The following GMDS variants were observed in gnomAD, a reference collection of about 807,000 sequenced individuals.
GMDS encodes GDP-mannose 4,6-dehydratase.
A neutral mutation model predicts 49.9 loss-of-function variants in GMDS; 20 were observed. The ratio of observed to expected loss-of-function variants is 0.40; its 90% CI spans 0.28 to 0.58. The LOEUF (loss-of-function observed/expected upper bound fraction) is 0.58. GMDS is among the 20% of genes least tolerant of loss of function. The pLI is 0.42. For synonymous variants in GMDS, 177 were observed against 178.6 expected, an observed-to-expected ratio of 0.99 and a Z score of 0.07; for missense variants, 362 against 481.4, an observed-to-expected ratio of 0.75 and a Z score of 2.32.
At chr6:1,936,992 T>C (rs931933839) in intron 6 of GMDS, among the ~76,000 whole-genome samples, 1 of 150,226 alleles carries the variant, frequency 6.7e-6, no homozygotes, top group African/African-American at 2.5e-5. Context: ...AAAATTACAA[T>C]AGAGCTGCCC....
At chr6:1,860,163 T>A (rs972290999) in intron 7 of GMDS, among the ~76,000 whole-genome samples, 2 of 152,204 alleles carry the variant, frequency 1.3e-5, no homozygotes, top group Non-Finnish European at 2.9e-5. Flanking sequence ...TAATTATATA[T>A]AACTTAAAAT....
At chr6:1,700,795 A>C (rs149777382) in intron 9 of GMDS, among the ~76,000 whole-genome samples, 1 of 152,312 alleles carries the variant, frequency 6.6e-6, no homozygotes, top group Non-Finnish European at 1.5e-5. Flanking sequence ...GAGGCTGAGC[A>C]GTCCACCTCC....
intron 9 of GMDS, among the ~76,000 whole-genome samples, chr6:1,639,312 A>AGGCG: frequency 6.6e-6 from 1 of 152,344 alleles, no homozygotes; most frequent in East Asian, 1.9e-4. Flanking sequence ...GGGACGCAGG[A>AGGCG]GGCGCTCACA....
chr6:2,140,883 T>A (rs532564517), intron 1 of GMDS, among the ~76,000 whole-genome samples: 1 of 152,336 alleles, frequency 6.6e-6, no homozygotes, highest in South Asian at 2.1e-4. Context: ...AGATAAAACA[T>A]GTCAGCAGCT....
At chr6:1,696,564 T>C (rs1302612415) in intron 9 of GMDS, among the ~76,000 whole-genome samples, 1 of 152,258 alleles carries the variant, frequency 6.6e-6, no homozygotes, top group East Asian at 1.9e-4. Context: ...CACACGTTAC[T>C]GACAGCTTCA....
intron 7 of GMDS, among the ~76,000 whole-genome samples, chr6:1,792,447 G>A (rs374187456): frequency 2.6e-5 from 4 of 152,130 alleles, no homozygotes; most frequent in East Asian, 3.9e-4. Context: ...GATACTGATC[G>A]TTTCACCTAG....
At chr6:2,073,890 A>G (rs1175071952) in intron 4 of GMDS, among the ~76,000 whole-genome samples, 2 of 152,030 alleles carry the variant, frequency 1.3e-5, no homozygotes, top group African/African-American at 4.8e-5. Context: ...TATATACCAC[A>G]TTTTCTTTAT....
At chr6:2,005,771 C>G (rs760195989) in intron 4 of GMDS, among the ~76,000 whole-genome samples, 3 of 152,210 alleles carry the variant, frequency 2.0e-5, no homozygotes, top group African/African-American at 7.2e-5. Context: ...TCCAGACCAC[C>G]TGGGACAGGT....
intron 4 of GMDS, among the ~76,000 whole-genome samples, chr6:2,056,337 C>A (rs1362665824): frequency 2.6e-5 from 4 of 152,252 alleles, no homozygotes; most frequent in African/African-American, 9.6e-5. Flanking sequence ...CAAAGACAGG[C>A]AAACTGGTTT....
At chr6:1,648,984 C>T (rs139759079) in intron 9 of GMDS, among the ~76,000 whole-genome samples, 8 of 152,274 alleles carry the variant, frequency 5.3e-5, no homozygotes, top group East Asian at 1.9e-4. Context: ...CATGAGCTTA[C>T]GTTTAAGGCA....
At chr6:2,187,824 T>C (rs565255048) in intron 1 of GMDS, among the ~76,000 whole-genome samples, 2 of 152,338 alleles carry the variant, frequency 1.3e-5, no homozygotes, top group South Asian at 4.1e-4. Flanking sequence ...GAGACTGTTA[T>C]TTAAAAAGGG....
chr6:1,849,357 A>G lies in GMDS; in HGVS notation c.771+80746T>C, dbSNP rs1387390813. 2.0e-5 allele frequency among the ~76,000 whole-genome samples: 3 copies of G among 152,324 alleles called. No homozygotes were observed. The East Asian group carries it at 5.8e-4, about 29-fold the overall frequency. ...TATGACCACCATACGCATGCTGATC[A>G]AACTGTTTCATCTTCATGCACCTAC... On this transcript the variant is annotated intron_variant, in intron 7 of 10. Coordinates refer to ENST00000380815, the MANE Select transcript of GMDS (RefSeq NM_001500.4).
chr6:1,980,368 A>G lies in GMDS; in HGVS notation c.346-19402T>C, dbSNP rs575927562. On this transcript the variant is annotated intron_variant, in intron 4 of 10. Coordinates refer to ENST00000380815, the MANE Select transcript of GMDS (RefSeq NM_001500.4). ...AAGAAAAGTTACCAAGCAAATGGAA[A>G]ACAGAAAAAAGCAGGGGTTGCAATC... Among the ~76,000 whole-genome samples the G allele has an allele frequency of 1.5e-4, 23 of 152,300 alleles. 1 individual carries two copies. Among genetic ancestry groups the G allele is most frequent in the Admixed American group, 9.8e-4 (15 of 15,300 alleles).
chr6:1,927,589 G>A (rs1187597699), intron 7 of GMDS, among the ~76,000 whole-genome samples: 3 of 152,196 alleles, frequency 2.0e-5, no homozygotes, highest in African/African-American at 2.4e-5. Flanking sequence ...TAATTCAAAC[G>A]TGGGCCTGTT....
intron 7 of GMDS, among the ~76,000 whole-genome samples, chr6:1,910,220 CA>C (rs1760981389): frequency 6.8e-6 from 1 of 147,138 alleles, no homozygotes; most frequent in Non-Finnish European, 1.5e-5. Flanking sequence ...TTATTTCTAT[CA>C]GGTAGCACTT....
intron 7 of GMDS, among the ~76,000 whole-genome samples, chr6:1,777,302 C>T (rs767920316): frequency 1.0e-3 from 157 of 152,384 alleles, no homozygotes; most frequent in Non-Finnish European, 1.7e-3. Context: ...ATGTTCATTC[C>T]ACTATTCCAC....
intron 7 of GMDS, among the ~76,000 whole-genome samples, chr6:1,925,662 C>A (rs1049573692): frequency 6.6e-6 from 1 of 152,182 alleles, no homozygotes; most frequent in African/African-American, 2.4e-5. Flanking sequence ...GTCACTTCAT[C>A]TGAAGGTTTA....
chr6:2,171,734 A>G (rs1778015824), intron 1 of GMDS, among the ~76,000 whole-genome samples: 1 of 152,240 alleles, frequency 6.6e-6, no homozygotes, highest in African/African-American at 2.4e-5. Flanking sequence ...GCCAGAAGAA[A>G]GCATCAGGAA....
intron 4 of GMDS, among the ~76,000 whole-genome samples, chr6:2,091,483 G>A (rs1451681540): frequency 2.0e-5 from 3 of 152,136 alleles, no homozygotes; most frequent in Non-Finnish European, 4.4e-5. Flanking sequence ...CTTTTAGTCT[G>A]AAAAACATAA....
Sources: allele counts gnomAD v4.1 joint callset (sites outside exome capture counted in the v4.1 genomes callset), GRCh38; gene constraint gnomAD v4.1.1; transcripts MANE v1.5; gene names NCBI Gene and HGNC (gene_info 2026-07-23, HGNC 2026-07-21).